Variants in HERC1 observed in about 807,000 individuals in gnomAD.
HERC1 encodes the protein HECT and RLD domain containing E3 ubiquitin protein ligase family member 1, also known as probable E3 ubiquitin-protein ligase HERC1.
In HERC1, 160 loss-of-function variants were observed where a neutral mutation model predicts 554.3. That is an observed-to-expected ratio of 0.29 (90% CI 0.25 to 0.33). The LOEUF (loss-of-function observed/expected upper bound fraction) is 0.33. HERC1 is among the 10% of genes least tolerant of loss of function. The probability of loss-of-function intolerance (pLI) is 1.00; values close to 1 mark genes in which losing one functional copy is unlikely to be tolerated. For synonymous variants in HERC1, 2,175 were observed against 2,131.7 expected, an observed-to-expected ratio of 1.02 and a Z score of -0.56; for missense variants, 4,919 against 5,918.5, an observed-to-expected ratio of 0.83 and a Z score of 5.54.
intron 12 of HERC1, among the ~76,000 whole-genome samples, chr15:63,735,547 A>G (rs1432058718): frequency 6.6e-6 from 1 of 152,116 alleles, no homozygotes; most frequent in Non-Finnish European, 1.5e-5. Context: ...AGTATAAAAA[A>G]AAAAAAAAGA....
chr15:63,824,214 T>C (rs2077804962), intron 1 of HERC1, among the ~76,000 whole-genome samples: 1 of 152,164 alleles, frequency 6.6e-6, no homozygotes, highest in African/African-American at 2.4e-5. Flanking sequence ...ACCGCCATTA[T>C]GGAAAACAGT....
At chr15:63,638,107 AG>A (rs2068867260) in intron 63 of HERC1, among the ~76,000 whole-genome samples, 1 of 152,216 alleles carries the variant, frequency 6.6e-6, no homozygotes, top group Non-Finnish European at 1.5e-5. Context: ...GGAAGTTTTT[AG>A]CCCCAAAGAG....
Position 63,747,778 on chromosome 15 carries a change from C to T in HERC1, c.2300G>A (p.Arg767Lys). 6.4e-7 allele frequency: 1 copy of T among 1,550,894 alleles called. No individual in the cohort carries two copies. Among genetic ancestry groups the T allele is most frequent in the Non-Finnish European group, 8.7e-7 (1 of 1,146,402 alleles). ...TFSHLRSFLE[R>K]YCDKINSEIP... ...CTCACTGTTTATTTTATCACAGTAT[C>T]TCTCAAGAAAAGAACGCAGGTGTGA... The change falls in exon 11 of 78, where the codon AGA becomes AAA. Residue 767 changes from arginine (R) to lysine (K), a missense_variant. Coordinates refer to ENST00000443617, the MANE Select transcript of HERC1 (RefSeq NM_003922.4).
intron 38 of HERC1, 126 bp downstream of exon 38, chr15:63,674,216 A>G: frequency 1.6e-6 from 1 of 630,372 alleles, no homozygotes; most frequent in Non-Finnish European, 2.5e-6. Context: ...TGATGTGAAA[A>G]TTGCTTTGAC....
intron 30 of HERC1, among the ~76,000 whole-genome samples, chr15:63,693,040 G>A (rs541301015): frequency 1.6e-4 from 24 of 152,098 alleles, no homozygotes; most frequent in Admixed American, 5.9e-4. Flanking sequence ...AATTAGATGG[G>A]TGTGGTGGCA....
At chr15:63,724,418 T>C (rs920690807) in intron 18 of HERC1, among the ~76,000 whole-genome samples, 6 of 152,228 alleles carry the variant, frequency 3.9e-5, no homozygotes, top group African/African-American at 1.4e-4. Context: ...ACACTCATAT[T>C]TGGAAATGGA....
At chr15:63,688,498 A>T (rs2071914338) in intron 33 of HERC1, among the ~76,000 whole-genome samples, 1 of 152,228 alleles carries the variant, frequency 6.6e-6, no homozygotes, top group Admixed American at 6.5e-5. Context: ...CAAGTCTTAA[A>T]TGAGTCTGAA....
chr15:63,761,906 A>C (rs574760051), intron 3 of HERC1, among the ~76,000 whole-genome samples: 1 of 152,238 alleles, frequency 6.6e-6, no homozygotes, highest in South Asian at 2.1e-4. Flanking sequence ...TGAAAGTATC[A>C]GTATGAACTC....
chr15:63,764,016 G>A, intron 3 of HERC1, 80 bp downstream of exon 3: 3 of 690,354 alleles, frequency 4.3e-6, no homozygotes, highest in East Asian at 1.4e-4. Flanking sequence ...CAGAGAAAAT[G>A]GATTATTTTT....
chr15:63,636,272 A>ATTT, intron 64 of HERC1, 130 bp from the exon 65 acceptor site: 5 of 608,516 alleles, frequency 8.2e-6, no homozygotes, highest in Non-Finnish European at 1.3e-5. Flanking sequence ...TAATTTCATT[A>ATTT]GTTTTTTTTT....
Position 63,727,502 on chromosome 15 carries a change from A to C in HERC1, c.3346+145T>G, listed in dbSNP as rs1198574444. 1 of 583,670 alleles carries C rather than the reference A, an allele frequency of 1.7e-6. No individual in the cohort carries two copies. The highest frequency in any genetic ancestry group is 2.8e-5 in the East Asian group (1 of 35,954). The allele number at this position is 583,670 out of a possible 1,614,324, so 36.2% of individuals were successfully genotyped here. A position where few individuals can be genotyped will look rare whatever the true frequency, so the allele number is the denominator to read the frequency against. ...CAATAAAATAAGAGGACTTACTTAA[A>C]TTTGAAAAGCTTTTAAGATTTCAGT... On this transcript the variant is annotated intron_variant, in intron 17 of 77. Coordinates refer to ENST00000443617, the MANE Select transcript of HERC1 (RefSeq NM_003922.4). The surrounding 1 kb of genome is among the most constrained non-coding windows in gnomAD (Gnocchi z 4.3).
At chr15:63,681,204 T>C (rs2071460426) in intron 34 of HERC1, among the ~76,000 whole-genome samples, 1 of 148,670 alleles carries the variant, frequency 6.7e-6, no homozygotes, top group African/African-American at 2.4e-5. Flanking sequence ...TTTTGTTTTG[T>C]TTTTAATTTT....
At position 63,718,456 on chromosome 15, in the gene HERC1, C is replaced by T. The variant is rs2073667436; in HGVS notation, c.3978+118G>A. The T allele has an allele frequency of 2.3e-6, 2 of 861,508 alleles. No individual in the cohort carries two copies. The highest frequency in any genetic ancestry group is 6.7e-5 in the Admixed American group (2 of 29,870). 53.4% of individuals were successfully genotyped at this position (861,508 alleles called of 1,614,324 possible). A position where few individuals can be genotyped will look rare whatever the true frequency, so the allele number is the denominator to read the frequency against. On this transcript the variant is annotated intron_variant, in intron 21 of 77. Transcript: ENST00000443617. The surrounding 1 kb of genome is among the most constrained non-coding windows in gnomAD (Gnocchi z 4.2). Reference sequence around the variant, plus strand: ...TTTTTCTGCTAGGAAAAGAACTACTCAACATGTATTGAACATATGCAATAA... The same window carrying T: ...TTTTTCTGCTAGGAAAAGAACTACTTAACATGTATTGAACATATGCAATAA...
intron 69 of HERC1, among the ~76,000 whole-genome samples, 177 bp downstream of exon 69, chr15:63,630,289 C>T (rs528126782): frequency 6.6e-6 from 1 of 152,300 alleles, no homozygotes; most frequent in Non-Finnish European, 1.5e-5. Flanking sequence ...ACTTCTTTGG[C>T]CGCAGTCGAG....
chr15:63,776,771 G>A (rs9972479), intron 1 of HERC1, among the ~76,000 whole-genome samples: 67,706 of 151,844 alleles, frequency 0.45, 16,403 homozygotes, highest in Non-Finnish European at 0.55. Context: ...TTTGAGACCC[G>A]CCTGGACAAC....
At chr15:63,767,989 A>T (rs2075835533) in intron 2 of HERC1, among the ~76,000 whole-genome samples, 1 of 152,032 alleles carries the variant, frequency 6.6e-6, no homozygotes, top group Admixed American at 6.5e-5. Context: ...CTGTTGTCAT[A>T]GTCTCCGTTA....
At chr15:63,630,966 C>A (rs1257052503) in intron 68 of HERC1, among the ~76,000 whole-genome samples, 2 of 152,124 alleles carry the variant, frequency 1.3e-5, no homozygotes, top group East Asian at 3.9e-4. Context: ...ACAGTTCAGG[C>A]CCTCAAGTTT....
chr15:63,826,435 A>G (rs1400831347), intron 1 of HERC1, among the ~76,000 whole-genome samples: 1 of 152,178 alleles, frequency 6.6e-6, no homozygotes, highest in African/African-American at 2.4e-5. Flanking sequence ...ACCGTTCAAA[A>G]TAACTATGTA....
chr15:63,777,473 G>A (rs540922186), intron 1 of HERC1, among the ~76,000 whole-genome samples: 1 of 152,280 alleles, frequency 6.6e-6, no homozygotes, highest in East Asian at 1.9e-4. Flanking sequence ...TTTGATAGCT[G>A]TACAGGGATA....
Sources: gnomAD v4.1 joint callset for allele counts (sites outside exome capture counted in the v4.1 genomes callset) on GRCh38, gnomAD v4.1.1 for gene constraint, Gnocchi (gnomAD v3.1) non-coding constraint, MANE v1.5 for transcripts, NCBI Gene and HGNC (gene_info 2026-07-23, HGNC 2026-07-21) for gene names.